Variants in ANO1 observed in about 807,000 individuals in gnomAD.
The protein encoded by ANO1 is anoctamin-1.
In ANO1, 59 loss-of-function variants were observed where a neutral mutation model predicts 124.0. The observed-to-expected ratio is 0.48, with a 90% CI of 0.39 to 0.59. The LOEUF (loss-of-function observed/expected upper bound fraction) is 0.59, where lower values mean the gene tolerates loss of function less well. Among genes scored for constraint, ANO1 ranks in the 20% least tolerant of loss-of-function variants. The pLI, the probability that ANO1 is intolerant of heterozygous loss-of-function variation, is 0.00. For synonymous variants in ANO1, 529 were observed against 532.0 expected, an observed-to-expected ratio of 0.99 and a Z score of 0.08; for missense variants, 1,059 against 1,328.0, an observed-to-expected ratio of 0.80 and a Z score of 3.15.
At chr11:70,062,109 T>G (rs1857598954) in intron 1 of ANO1, among the ~76,000 whole-genome samples, 1 of 125,632 alleles carries the variant, frequency 8.0e-6, no homozygotes, top group South Asian at 2.9e-4. Context: ...GGAGTTTCAC[T>G]CTTTTTGCCC....
intron 11 of ANO1, among the ~76,000 whole-genome samples, chr11:70,140,686 G>A (rs2047122050): frequency 6.6e-6 from 1 of 152,166 alleles, no homozygotes; most frequent in Admixed American, 6.5e-5. Flanking sequence ...ATCATGGGGA[G>A]ATATACTCTG....
chr11:69,988,220 G>T (rs1221922290), intron 1 of ANO1, among the ~76,000 whole-genome samples: 1 of 152,208 alleles, frequency 6.6e-6, no homozygotes, highest in African/African-American at 2.4e-5. Context: ...TTGGAGAACA[G>T]AAAGAGGTCT....
chr11:70,146,788 G>A (rs1479601517), intron 11 of ANO1, among the ~76,000 whole-genome samples: 3 of 152,144 alleles, frequency 2.0e-5, no homozygotes, highest in African/African-American at 7.2e-5. Flanking sequence ...TCCAAAAGCC[G>A]AGGAACTCAG....
chr11:70,121,276 A>C (rs117162799), intron 8 of ANO1, among the ~76,000 whole-genome samples: 21 of 101,752 alleles, frequency 2.1e-4, no homozygotes, highest in Admixed American at 4.6e-4. Flanking sequence ...CATCTCCCCC[A>C]TGTCTCTCTG....
chr11:70,106,086 A>G (rs1350703043), intron 5 of ANO1, among the ~76,000 whole-genome samples: 1 of 152,126 alleles, frequency 6.6e-6, no homozygotes, highest in Non-Finnish European at 1.5e-5. Flanking sequence ...CTCCCAGCAC[A>G]TGTCTCAGAG....
At chr11:69,993,267 T>C (rs896526756) in intron 1 of ANO1, among the ~76,000 whole-genome samples, 8 of 152,254 alleles carry the variant, frequency 5.3e-5, no homozygotes, top group African/African-American at 1.9e-4. Flanking sequence ...CAGAATTATT[T>C]CTGCCCACAT....
intron 11 of ANO1, among the ~76,000 whole-genome samples, chr11:70,143,422 A>T (rs2047230630): frequency 6.6e-6 from 1 of 152,210 alleles, no homozygotes; most frequent in East Asian, 1.9e-4. Context: ...AGACATTGGC[A>T]TAAGTTGAGG....
intron 8 of ANO1, among the ~76,000 whole-genome samples, chr11:70,121,800 G>C (rs111164246): frequency 1.2e-5 from 1 of 80,684 alleles, no homozygotes; most frequent in East Asian, 3.5e-4. Context: ...CTCTCCATCT[G>C]CCTCTGTCTC....
chr11:70,023,136 A>G (rs971932946), intron 1 of ANO1, among the ~76,000 whole-genome samples: 4 of 152,200 alleles, frequency 2.6e-5, no homozygotes, highest in African/African-American at 9.6e-5. Context: ...GGAATTTAAG[A>G]TAATAATCAT....
At chr11:70,000,157 C>A (rs1447648609) in intron 1 of ANO1, among the ~76,000 whole-genome samples, 1 of 152,106 alleles carries the variant, frequency 6.6e-6, no homozygotes, top group Non-Finnish European at 1.5e-5. Flanking sequence ...GACATAGCTA[C>A]CCAAAATGAG....
At chr11:70,171,517 A>C (rs190057458) in intron 22 of ANO1, among the ~76,000 whole-genome samples, 82 of 152,332 alleles carry the variant, frequency 5.4e-4, no homozygotes, top group African/African-American at 1.9e-3. Context: ...CCATCTGTAG[A>C]CAGGGAAGAA....
At chr11:70,128,477 G>A (rs1488324045) in intron 10 of ANO1, among the ~76,000 whole-genome samples, 4 of 152,248 alleles carry the variant, frequency 2.6e-5, no homozygotes, top group Non-Finnish European at 5.9e-5. Context: ...GCCCCAGCAG[G>A]GAGGCTCTGC....
intron 1 of ANO1, among the ~76,000 whole-genome samples, chr11:70,054,022 T>C (rs1416442958): frequency 6.6e-6 from 1 of 152,248 alleles, no homozygotes; most frequent in African/African-American, 2.4e-5. Flanking sequence ...ACTGTCGTAA[T>C]GTCTGCTTTC....
intron 1 of ANO1, among the ~76,000 whole-genome samples, chr11:70,025,373 T>C (rs558913140): frequency 2.5e-4 from 37 of 148,618 alleles, no homozygotes; most frequent in Non-Finnish European, 4.2e-4. Context: ...TGGTGGTGAT[T>C]GTGATGATGA....
chr11:70,032,096 A>C (rs1555003879), intron 1 of ANO1, among the ~76,000 whole-genome samples: 1 of 152,150 alleles, frequency 6.6e-6, no homozygotes, highest in Non-Finnish European at 1.5e-5. Flanking sequence ...CAGTCCAGGG[A>C]GGAAGGAGGA....
chr11:70,079,879 GGGGGGTGGCCT>G (rs1200291848), intron 1 of ANO1, among the ~76,000 whole-genome samples: 1 of 152,226 alleles, frequency 6.6e-6, no homozygotes, highest in African/African-American at 2.4e-5. Context: ...TCACAGTGGA[GGGGGGTGGCCT>G]GGGGGCATCT....
chr11:70,020,123 T>G (rs1199543221), intron 1 of ANO1, among the ~76,000 whole-genome samples: 1 of 152,146 alleles, frequency 6.6e-6, no homozygotes, highest in Non-Finnish European at 1.5e-5. Context: ...GGGCAGATGT[T>G]TAAAGCTGAC....
In ANO1 at chr11:70,170,259, G is replaced by T. The variant is rs890901142; in HGVS notation, c.2198-628G>T. 9.3e-6 allele frequency: 4 copies of T among 431,510 alleles called. No homozygotes were observed. In the East Asian group the frequency reaches 2.1e-4, roughly 23 times the overall value. The allele number at this position is 431,510 out of a possible 1,614,324, so 26.7% of individuals were successfully genotyped here. On this transcript the variant is annotated intron_variant, in intron 21 of 25. Transcript: ENST00000355303. The stretch of plus-strand genomic sequence containing the variant: ...CAGCATGGGCAGGGGGATGACCACA[G>T]GCTGGGCCTTTGAGCTCACGATGGT...
At chr11:70,118,861 T>A (rs572780472) in intron 8 of ANO1, among the ~76,000 whole-genome samples, 1 of 148,464 alleles carries the variant, frequency 6.7e-6, no homozygotes, top group South Asian at 2.2e-4. Flanking sequence ...GATGGAAGGA[T>A]GAATGATGGA....
Sources: allele counts gnomAD v4.1 joint callset (sites outside exome capture counted in the v4.1 genomes callset), GRCh38; gene constraint gnomAD v4.1.1; transcripts MANE v1.5; gene names NCBI Gene and HGNC (gene_info 2026-07-23, HGNC 2026-07-21).